The following RIC3 variants were observed in gnomAD, a reference collection of about 807,000 sequenced individuals.
RIC3 encodes protein RIC-3.
In RIC3, 28 loss-of-function variants were observed where a neutral mutation model predicts 27.3. The ratio of observed to expected loss-of-function variants is 1.02; its 90% confidence interval spans 0.76 to 1.41. RIC3 has a LOEUF of 1.41. Ranked by LOEUF, RIC3 falls within the 40% of genes most tolerant of loss-of-function variation. The pLI is 0.00. For missense variants in RIC3, 501 were observed against 444.7 expected, an observed-to-expected ratio of 1.13 and a Z score of -1.14; for synonymous variants, 184 against 160.4, an observed-to-expected ratio of 1.15 and a Z score of -1.11.
At chr11:8,144,747 A>G (rs1314686403) in intron 1 of RIC3, among the ~76,000 whole-genome samples, 1 of 150,302 alleles carries the variant, frequency 6.7e-6, no homozygotes, top group African/African-American at 2.4e-5. Flanking sequence ...TTATTGCGGC[A>G]TTATTCACAA....
At chr11:8,138,449 A>G (rs1470013989) in intron 2 of RIC3, 102 bp from the exon 3 acceptor site, 27 of 692,776 alleles carry the variant, frequency 3.9e-5, no homozygotes, top group Middle Eastern at 2.5e-4. Flanking sequence ...ACAAAAATGA[A>G]GGTCAGAAAT....
chr11:8,156,295 G>A (rs1036707226), intron 1 of RIC3, among the ~76,000 whole-genome samples: 1 of 152,216 alleles, frequency 6.6e-6, no homozygotes. Flanking sequence ...AGTGGAATGA[G>A]TGCCACCTTT....
At chr11:8,129,412 A>T (rs912647518) in intron 4 of RIC3, among the ~76,000 whole-genome samples, 1 of 152,040 alleles carries the variant, frequency 6.6e-6, no homozygotes, top group Non-Finnish European at 1.5e-5. Flanking sequence ...CTTTCCACAC[A>T]AATTCCTGTC....
intron 5 of RIC3, among the ~76,000 whole-genome samples, chr11:8,117,300 A>G (rs1945957066): frequency 2.6e-5 from 4 of 152,222 alleles, no homozygotes; most frequent in Admixed American, 2.0e-4. Context: ...CCTAGGCTCA[A>G]GCAATCCACC....
intron 2 of RIC3, 190 bp downstream of exon 2, chr11:8,139,777 G>A: frequency 1.8e-6 from 1 of 562,724 alleles, no homozygotes; most frequent in East Asian, 3.1e-5. Context: ...CTTAAACATT[G>A]AGTAAACATT....
At chr11:8,140,515 G>A (rs1590241884) in intron 1 of RIC3, among the ~76,000 whole-genome samples, 1 of 152,146 alleles carries the variant, frequency 6.6e-6, no homozygotes, top group African/African-American at 2.4e-5. Context: ...TCAAGGCCTG[G>A]TCTATAAAAT....
intron 1 of RIC3, among the ~76,000 whole-genome samples, chr11:8,159,358 G>C (rs1950974370): frequency 6.6e-6 from 1 of 152,172 alleles, no homozygotes; most frequent in African/African-American, 2.4e-5. Context: ...TAGAAAAGTA[G>C]AAGCAAATGG....
rs1945073339 is a variant in RIC3 at position 8,110,059 on chromosome 11, C to A, written c.*639G>T. 6.3e-6 allele frequency: 1 copy of A among 159,200 alleles called. No individual in the cohort carries two copies. Among genetic ancestry groups the A allele is most frequent in the African/African-American group, 2.4e-5 (1 of 41,600 alleles). 9.9% of individuals were successfully genotyped at this position (159,200 alleles called of 1,614,324 possible). On this transcript the variant is annotated 3_prime_UTR_variant, in exon 6 of 6. Coordinates refer to ENST00000309737, the MANE Select transcript of RIC3 (RefSeq NM_001206671.4). ...AGTAAAACAGTCCCCAAACAAGCCT[C>A]TGGGCTCATTCTCAGATCAGTGGGA...
At chr11:8,124,338 G>A (rs902437399) in intron 5 of RIC3, among the ~76,000 whole-genome samples, 1 of 152,150 alleles carries the variant, frequency 6.6e-6, no homozygotes, top group Admixed American at 6.5e-5. Context: ...CCTCACATAT[G>A]CAAGACCTAT....
In RIC3 at chr11:8,158,654, G is replaced by A. The variant is rs116295091; in HGVS notation, c.124+10212C>T. On this transcript the variant is annotated intron_variant, in intron 1 of 5. Coordinates refer to ENST00000309737, the MANE Select transcript of RIC3 (RefSeq NM_001206671.4). ...ATGAAATGAAAGGAGAACCTCAGGA[G>A]AATGAGATCTTAGTGTTTCTGACAA... is the stretch of plus-strand genomic sequence containing the variant. Among the ~76,000 whole-genome samples, 1,463 of 149,976 alleles carry A rather than the reference G, an allele frequency of 9.8e-3. 16 individuals are homozygous for A. Among genetic ancestry groups the A allele is most frequent in the African/African-American group, 0.034 (1,378 of 40,640 alleles).
At position 8,126,683 on chromosome 11, in the gene RIC3, C is replaced by T; in HGVS notation, c.646G>A (p.Ala216Thr). The stretch of plus-strand genomic sequence containing the variant: ...CCTTCCCAGTCCTCCATGTAAGGGG[C>T]CTCCTCAGCTTCTTTCTCTGGAGAA... Reference protein sequence around the residue: ...RFSPEKEAEEAPYMEDWEGYP... With the variant: ...RFSPEKEAEETPYMEDWEGYP... Residue 216 changes from alanine to threonine, a missense_variant, in exon 5 of 6, where the codon GCC (alanine) becomes ACC (threonine). Ala to Thr is a moderately conservative substitution (Grantham distance 58, BLOSUM62 0). Coordinates refer to ENST00000309737, the MANE Select transcript of RIC3 (RefSeq NM_001206671.4). 6.2e-7 allele frequency: 1 copy of T among 1,614,126 alleles called. No individual in the cohort carries two copies. The highest frequency in any genetic ancestry group is 8.5e-7 in the Non-Finnish European group (1 of 1,180,000).
intron 4 of RIC3, among the ~76,000 whole-genome samples, chr11:8,136,174 G>C (rs1398324593): frequency 6.6e-6 from 1 of 152,172 alleles, no homozygotes; most frequent in Non-Finnish European, 1.5e-5. Flanking sequence ...TGCCAGGTCA[G>C]GAGGCTGCAA....
chr11:8,097,343 G>C, the RIC3 span: 1 of 1,614,048 alleles, frequency 6.2e-7, no homozygotes, highest in Non-Finnish European at 8.5e-7. Context: ...ATCAAATGCC[G>C]CATCACTCGG....
At chr11:8,168,830 C>T (rs1170698170) in intron 1 of RIC3, 36 bp downstream of exon 1, 1 of 1,597,342 alleles carries the variant, frequency 6.3e-7, no homozygotes, top group Non-Finnish European at 8.5e-7. Context: ...TACTCTTCGG[C>T]GCCGGGAAGC....
intron 5 of RIC3, among the ~76,000 whole-genome samples, chr11:8,116,274 A>C (rs964045870): frequency 6.6e-6 from 1 of 152,228 alleles, no homozygotes; most frequent in Non-Finnish European, 1.5e-5. Context: ...CATTTACAAA[A>C]ATCAACTCAA....
At chr11:8,135,882 T>C (rs951036068) in intron 4 of RIC3, 10 of 152,160 alleles carry the variant, frequency 6.6e-5, no homozygotes, top group Non-Finnish European at 1.2e-4. Flanking sequence ...AAAAGTATAA[T>C]TGCACAAATT....
At chr11:8,123,449 A>C (rs2133561038) in intron 5 of RIC3, among the ~76,000 whole-genome samples, 1 of 152,324 alleles carries the variant, frequency 6.6e-6, no homozygotes, top group South Asian at 2.1e-4. Flanking sequence ...ACCAAATTAC[A>C]GTTCTCTGAA....
chr11:8,105,457 G>A (rs1413160235), downstream of RIC3: 1 of 142,822 alleles, frequency 7.0e-6, no homozygotes, highest in Non-Finnish European at 1.5e-5. Flanking sequence ...TCATGATACA[G>A]GCGGGAGGGG....
At chr11:8,124,067 A>G (rs1946747333) in intron 5 of RIC3, among the ~76,000 whole-genome samples, 1 of 149,098 alleles carries the variant, frequency 6.7e-6, no homozygotes, top group African/African-American at 2.4e-5. Flanking sequence ...AGACCCTGAA[A>G]AAAAAAAGAA....
Sources: allele counts gnomAD v4.1 joint callset (sites outside exome capture counted in the v4.1 genomes callset), GRCh38; gene constraint gnomAD v4.1.1; transcripts MANE v1.5; gene names NCBI Gene and HGNC (gene_info 2026-07-23, HGNC 2026-07-21).